CPNE4: variants seen among roughly 807,000 people sequenced by gnomAD.
CPNE4 encodes the protein copine 4.
Under a neutral mutation model 67.9 loss-of-function variants are expected in CPNE4, and 25 were observed. The ratio of observed to expected loss-of-function variants is 0.37; its 90% CI spans 0.27 to 0.51. The LOEUF (loss-of-function observed/expected upper bound fraction) is 0.51, where lower values mean the gene tolerates loss of function less well. Ranked by LOEUF, CPNE4 falls within the 20% of genes least tolerant of loss-of-function variation. The pLI is 0.93. For missense variants in CPNE4, 464 were observed against 690.8 expected (o/e 0.67, Z 3.68); for synonymous variants, 242 against 244.9 (o/e 0.99, Z 0.11).
chr3:131,970,284 CTT>C (rs2072466965), intron 1 of CPNE4, among the ~76,000 whole-genome samples: 1 of 152,220 alleles, frequency 6.6e-6, no homozygotes, highest in Non-Finnish European at 1.5e-5. Flanking sequence ...ACCAACCTAA[CTT>C]TGACCTGTAG....
Position 131,945,276 on chromosome 3 carries a change from T to C in CPNE4, c.-1-39832A>G, listed in dbSNP as rs527314794. On this transcript the variant is annotated intron_variant, in intron 1 of 15. Coordinates refer to ENST00000429747, the MANE Select transcript of CPNE4 (RefSeq NM_130808.3). ...ATTTTGCAAATGCAGTTCAGAGAGA[T>C]GATAAAACTTCTCCAGTGTCACACT... Among the ~76,000 whole-genome samples, 4 of 152,334 alleles carry C rather than the reference T, an allele frequency of 2.6e-5. No individual in the cohort carries two copies. In the East Asian group the frequency reaches 7.7e-4, roughly 29 times the overall value.
chr3:131,990,825 A>C lies in CPNE4; in HGVS notation c.-2+43742T>G, dbSNP rs2073159731. Among the ~76,000 whole-genome samples, 2 of 135,582 alleles carry C rather than the reference A, an allele frequency of 1.5e-5. 1 individual carries two copies. The highest frequency in any genetic ancestry group is 3.3e-5 in the Non-Finnish European group (2 of 59,738). 88.9% of individuals were successfully genotyped at this position (135,582 alleles called of 152,430 possible). A position where few individuals can be genotyped will look rare whatever the true frequency, so the allele number is the denominator to read the frequency against. ...TCTCATCTTGAATTATAATTCCCAT[A>C]ATCCCCATGTGTCATGGGAGGGACC... On this transcript the variant is annotated intron_variant, in intron 1 of 15. Transcript: ENST00000429747.
At chr3:131,747,840 T>G (rs767772282) in intron 2 of CPNE4, among the ~76,000 whole-genome samples, 25 of 152,180 alleles carry the variant, frequency 1.6e-4, no homozygotes, top group Non-Finnish European at 3.1e-4. Flanking sequence ...TTTATGCTTA[T>G]TTTCTTTTCT....
In CPNE4 at chr3:131,717,886, CTT is replaced by C. The variant is rs776545805; in HGVS notation, c.360+5558_360+5559del. On this transcript the variant is annotated intron_variant, in intron 3 of 15. Coordinates refer to ENST00000429747, the MANE Select transcript of CPNE4 (RefSeq NM_130808.3). ...CTTTCTTTCTTTCTTTTCTTTCTTT[CTT>C]TCTTTCTTTCTTTCTTTCTTTCTTT... Among the ~76,000 whole-genome samples, 192 of 86,410 alleles carry C rather than the reference CTT, an allele frequency of 2.2e-3. 3 individuals are homozygous for C. The highest frequency in any genetic ancestry group is 7.6e-3 in the African/African-American group (185 of 24,326). The allele number at this position is 86,410 out of a possible 152,430, so 56.7% of individuals were successfully genotyped here.
chr3:131,792,684 C>CGTGTGTATATATGTATATATACACACGT (rs1198421867), intron 2 of CPNE4, among the ~76,000 whole-genome samples: 1 of 46,004 alleles, frequency 2.2e-5, no homozygotes, highest in Admixed American at 2.8e-4. Context: ...TATATACACA[C>CGTGTGTATATATGTATATATACACACGT]GTGTATATAT....
intron 1 of CPNE4, among the ~76,000 whole-genome samples, chr3:131,974,664 A>G (rs1459294825): frequency 6.6e-6 from 1 of 152,150 alleles, no homozygotes; most frequent in Non-Finnish European, 1.5e-5. Flanking sequence ...GGCCAAGCCT[A>G]TCTGCCCATT....
At chr3:131,991,245 A>G (rs1324993277) in intron 1 of CPNE4, among the ~76,000 whole-genome samples, 1 of 136,470 alleles carries the variant, frequency 7.3e-6, no homozygotes, top group African/African-American at 2.5e-5. Context: ...AGAAGAGGAC[A>G]TAAAAATGTG....
intron 5 of CPNE4, among the ~76,000 whole-genome samples, chr3:131,688,322 C>T (rs890454438): frequency 2.0e-5 from 3 of 152,178 alleles, no homozygotes; most frequent in Non-Finnish European, 4.4e-5. Flanking sequence ...TTCATCTTGT[C>T]AAGACCCCAA....
intron 7 of CPNE4, among the ~76,000 whole-genome samples, chr3:131,589,498 T>C (rs1489333354): frequency 1.3e-5 from 2 of 152,018 alleles, no homozygotes; most frequent in African/African-American, 4.8e-5. Flanking sequence ...TGAGGGTGAG[T>C]CTTCCTCTCT....
chr3:131,737,236 G>A (rs1287345478), intron 2 of CPNE4, among the ~76,000 whole-genome samples: 1 of 145,860 alleles, frequency 6.9e-6, no homozygotes, highest in Non-Finnish European at 1.5e-5. Flanking sequence ...CAATTCTCCT[G>A]CCTCAGCCTC....
intron 1 of CPNE4, among the ~76,000 whole-genome samples, chr3:131,963,928 A>C (rs1294859508): frequency 6.6e-6 from 1 of 152,144 alleles, no homozygotes; most frequent in Non-Finnish European, 1.5e-5. Flanking sequence ...CCTCCTTACT[A>C]GGAGATATCT....
In CPNE4 at chr3:131,535,182, CTGTG is replaced by C. The variant is rs1477583787; in HGVS notation, c.*9_*12del. On this transcript the variant is annotated 3_prime_UTR_variant, in exon 16 of 16. Coordinates refer to ENST00000429747, the MANE Select transcript of CPNE4 (RefSeq NM_130808.3). ...AATAGTATTTCAGAACTCTGTAAAA[CTGTG>C]TGGGGAGTTCATGGTGCTAGTGTTC... The C allele has an allele frequency of 1.9e-6, 3 of 1,596,522 alleles. No homozygotes were observed. Among genetic ancestry groups the C allele is most frequent in the Non-Finnish European group, 2.6e-6 (3 of 1,172,720 alleles).
At chr3:131,731,511 A>G (rs2082126410) in intron 2 of CPNE4, among the ~76,000 whole-genome samples, 1 of 152,048 alleles carries the variant, frequency 6.6e-6, no homozygotes. Flanking sequence ...TCCAGTGCCA[A>G]ATGCTGCGTG....
intron 2 of CPNE4, among the ~76,000 whole-genome samples, chr3:131,765,993 G>A (rs2083001672): frequency 6.6e-6 from 1 of 152,092 alleles, no homozygotes; most frequent in Admixed American, 6.6e-5. Flanking sequence ...ATTCTACTGG[G>A]CTATGACAGG....
chr3:131,752,009 G>T (rs1342920051), intron 2 of CPNE4, among the ~76,000 whole-genome samples: 1 of 151,968 alleles, frequency 6.6e-6, no homozygotes, highest in Non-Finnish European at 1.5e-5. Context: ...AATGGTTAAA[G>T]TCCTGACTCT....
intron 2 of CPNE4, among the ~76,000 whole-genome samples, chr3:131,801,370 A>AC (rs1363579430): frequency 1.7e-5 from 2 of 118,664 alleles, no homozygotes; most frequent in Admixed American, 1.9e-4. Context: ...ATATATATGT[A>AC]CCATATATAT....
chr3:131,638,678 A>T (rs1354686312), intron 7 of CPNE4, among the ~76,000 whole-genome samples: 1 of 152,176 alleles, frequency 6.6e-6, no homozygotes, highest in African/African-American at 2.4e-5. Context: ...TACTTAACAG[A>T]TATTTACAGA....
At chr3:131,683,599 C>T (rs1294159852) in intron 6 of CPNE4, among the ~76,000 whole-genome samples, 2 of 152,022 alleles carry the variant, frequency 1.3e-5, no homozygotes, top group Non-Finnish European at 2.9e-5. Context: ...GTATGGGGCA[C>T]GCATTCCTTG....
intron 2 of CPNE4, among the ~76,000 whole-genome samples, chr3:131,883,688 T>C (rs2087767058): frequency 6.7e-6 from 1 of 149,066 alleles, no homozygotes; most frequent in Non-Finnish European, 1.5e-5. Flanking sequence ...GCCTCATAAC[T>C]TCCCTGCCTC....
Sources: allele counts gnomAD v4.1 joint callset (sites outside exome capture counted in the v4.1 genomes callset), GRCh38; gene constraint gnomAD v4.1.1; transcripts MANE v1.5; gene names NCBI Gene and HGNC (gene_info 2026-07-23, HGNC 2026-07-21).